Variants in MUS81 observed in about 807,000 individuals in gnomAD.
MUS81 encodes the protein structure-specific endonuclease subunit MUS81.
A neutral mutation model predicts 74.2 loss-of-function variants in MUS81; 69 were observed. The observed-to-expected ratio is 0.93, with a 90% CI of 0.77 to 1.14. The LOEUF is 1.14. Ranked by LOEUF, MUS81 falls within the 50% of genes most tolerant of loss-of-function variation. The pLI, the probability that MUS81 is intolerant of heterozygous loss-of-function variation, is 0.00. For missense variants in MUS81, 711 were observed against 726.5 expected (o/e 0.98, Z 0.25); for synonymous variants, 303 against 300.6 (o/e 1.01, Z -0.08).
chr11:65,860,653 CCCCCG>C lies in MUS81; in HGVS notation c.-92_-88del, dbSNP rs1565263629. On this transcript the variant is annotated 5_prime_UTR_variant, in exon 1 of 16. Transcript: ENST00000308110. ...CGGTCCTGCCCTCGGTCTCCCTCTTCCCCCGCCCCGCCCTGGGCCAGGTGTTCGAA... is the reference window on the plus strand; with the variant it reads ...CGGTCCTGCCCTCGGTCTCCCTCTTCCCCCGCCCTGGGCCAGGTGTTCGAA... 1.1e-5 allele frequency: 16 copies of C among 1,497,582 alleles called. No homozygotes were observed. Among genetic ancestry groups the C allele is most frequent in the Non-Finnish European group, 1.4e-5 (16 of 1,115,074 alleles). The allele number at this position is 1,497,582 out of a possible 1,614,324, so 92.8% of individuals were successfully genotyped here.
In MUS81 at chr11:65,863,908, T is replaced by C. The variant is rs1239716881; in HGVS notation, c.1059+7T>C. 1 of 1,613,724 alleles carries C rather than the reference T, an allele frequency of 6.2e-7. No individual in the cohort carries two copies. The highest frequency in any genetic ancestry group is 2.2e-5 in the East Asian group (1 of 44,882). Reference sequence around the variant, plus strand: ...CCGCTTCCGGGAGCAGAAGGTAATTTTGCTGGCTTTGCCAGGCTTCCCTGC... The same window carrying C: ...CCGCTTCCGGGAGCAGAAGGTAATTCTGCTGGCTTTGCCAGGCTTCCCTGC... On this transcript the variant is annotated splice_region_variant and intron_variant, in intron 10 of 15. Transcript: ENST00000308110.
chr11:65,865,004 C>T lies in MUS81; in HGVS notation c.1273-13C>T. On this transcript the variant is annotated splice_polypyrimidine_tract_variant and intron_variant, in intron 12 of 15. Transcript: ENST00000308110. The stretch of plus-strand genomic sequence containing the variant: ...TCGAGCTCCAGCCTGGCCTCAGTCC[C>T]TTCTTCCCTCAGGGCCACACCCTAC... 6.2e-7 allele frequency: 1 copy of T among 1,612,918 alleles called. No homozygotes were observed.
chr11:65,866,740 T>C (rs966744584), downstream of MUS81: 2 of 804,768 alleles, frequency 2.5e-6, no homozygotes, highest in Non-Finnish European at 4.2e-6. Context: ...CCCATTTAGG[T>C]GAACTTGGCC....
downstream of MUS81, chr11:65,866,733 A>G (rs1565271747): frequency 1.3e-6 from 1 of 775,110 alleles, no homozygotes; most frequent in Middle Eastern, 2.2e-4. Flanking sequence ...AGAGACCCCC[A>G]TTTAGGTGAA....
intron 3 of MUS81, 109 bp from the exon 4 acceptor site, chr11:65,861,838 G>A: frequency 2.4e-6 from 2 of 841,124 alleles, no homozygotes; most frequent in East Asian, 2.7e-5. Context: ...TACAGAGAAG[G>A]AAACTGAGAG....
chr11:65,860,948 A>G, intron 1 of MUS81, 25 bp from the exon 2 acceptor site: 1 of 1,610,494 alleles, frequency 6.2e-7, no homozygotes, highest in South Asian at 1.1e-5. Flanking sequence ...TGCCCTGACC[A>G]GGTACCCTAC....
rs1327484923 is a variant in MUS81 at position 65,864,592 on chromosome 11, G to A, written c.1155G>A (p.Leu385=). The change falls in exon 11 of 16, where the codon CTG becomes CTA. Residue 385 remains leucine (L), a synonymous_variant. Transcript: ENST00000308110. ...TCAGCCTTCCTGAGAGCACACTGCTGCAGGCTGTCACCAACACTCAGGTGA... is the reference window on the plus strand; with the variant it reads ...TCAGCCTTCCTGAGAGCACACTGCTACAGGCTGTCACCAACACTCAGGTGA... ...HNLSLPESTL[L]QAVTNTQVID... is the part of the protein sequence containing the mutation. 6.2e-7 allele frequency: 1 copy of A among 1,614,104 alleles called. No homozygotes were observed. Among genetic ancestry groups the A allele is most frequent in the Non-Finnish European group, 8.5e-7 (1 of 1,179,988 alleles).
chr11:65,862,252 G>A lies in MUS81; in HGVS notation c.492G>A (p.Leu164=), dbSNP rs1317463461. Residue 164 remains leucine (L), a synonymous_variant, in exon 5 of 16, where the codon CTG becomes CTA. Coordinates refer to ENST00000308110, the MANE Select transcript of MUS81 (RefSeq NM_025128.5). ...ACTTCTTAACCAAGGAGGAGCTGCT[G>A]CAGAGGTGTGCTCAGAAGTCCCCCA... ...GHHFLTKEEL[L]QRCAQKSPRV... 6.2e-7 allele frequency: 1 copy of A among 1,613,786 alleles called. No individual in the cohort carries two copies. Among genetic ancestry groups the A allele is most frequent in the East Asian group, 2.2e-5 (1 of 44,890 alleles).
rs755002895 is a variant in MUS81 at position 65,865,801 on chromosome 11, T to G, written c.1506-10T>G. On this transcript the variant is annotated splice_polypyrimidine_tract_variant and intron_variant, in intron 14 of 15. Coordinates refer to ENST00000308110, the MANE Select transcript of MUS81 (RefSeq NM_025128.5). ...TGTCAGCCTCAGAAACTCAAACCCC[T>G]GCCCCCCAGCCTCCTGGCCGCCTAT... The G allele has an allele frequency of 1.9e-6, 3 of 1,613,288 alleles. No individual in the cohort carries two copies. Among genetic ancestry groups the G allele is most frequent in the Non-Finnish European group, 2.5e-6 (3 of 1,179,800 alleles).
rs1243752377 is a variant in MUS81, at chr11:65,865,094, C to T, written c.1350C>T (p.Leu450=). 1 of 1,614,058 alleles carries T rather than the reference C, an allele frequency of 6.2e-7. No individual in the cohort carries two copies. The highest frequency in any genetic ancestry group is 1.3e-5 in the African/African-American group (1 of 74,926). The stretch of plus-strand genomic sequence containing the variant: ...GGGCCATGACCTCTCCAAACCCTCT[C>T]TGCTCACTCCTCACCTTCAGTGACT... ...ESGAMTSPNP[L]CSLLTFSDFN... The change falls in exon 13 of 16, where the codon CTC becomes CTT. Residue 450 remains leucine (L), a synonymous_variant. Transcript: ENST00000308110.
chr11:65,859,827 G>A (rs1033623922), upstream of MUS81, among the ~76,000 whole-genome samples: 2 of 152,152 alleles, frequency 1.3e-5, no homozygotes, highest in African/African-American at 2.4e-5. Context: ...CCTCCCTGAG[G>A]GTCTCCCACT....
chr11:65,859,696 G>A (rs1164348031), upstream of MUS81, among the ~76,000 whole-genome samples: 1 of 152,222 alleles, frequency 6.6e-6, no homozygotes, highest in Non-Finnish European at 1.5e-5. Context: ...TGCGACTTCC[G>A]GCATAGCAGC....
chr11:65,859,761 A>T (rs1373041632), upstream of MUS81, among the ~76,000 whole-genome samples: 1 of 152,172 alleles, frequency 6.6e-6, no homozygotes, highest in African/African-American at 2.4e-5. Context: ...CAACTCAGCT[A>T]TACGTGTCTT....
rs745969988 is a variant in MUS81 at position 65,865,214 on chromosome 11, A to C, written c.1402-6A>C. The C allele has an allele frequency of 2.0e-5, 33 of 1,613,912 alleles. No homozygotes were observed. The highest frequency in any genetic ancestry group is 1.6e-4 in the Middle Eastern group (1 of 6,084). On this transcript the variant is annotated splice_region_variant and splice_polypyrimidine_tract_variant and intron_variant, in intron 13 of 15. Coordinates refer to ENST00000308110, the MANE Select transcript of MUS81 (RefSeq NM_025128.5). ...CCCCACTGATCCAGCCCTTTCCCGA[A>C]CCCAGGCCCAGTCGGTGCGAGAAGT...
intron 6 of MUS81, among the ~76,000 whole-genome samples, 167 bp downstream of exon 6, chr11:65,862,696 C>T (rs1053820616): frequency 6.6e-6 from 1 of 151,896 alleles, no homozygotes; most frequent in Non-Finnish European, 1.5e-5. Context: ...ACCGCAGCAG[C>T]GGGGGTGGGA....
At chr11:65,861,317 G>C (rs1440035219) in intron 2 of MUS81, 33 bp from the exon 3 acceptor site, 7 of 1,565,332 alleles carry the variant, frequency 4.5e-6, no homozygotes, top group Non-Finnish European at 6.1e-6. Flanking sequence ...CCGGATTCGT[G>C]GAGTGTGGAG....
downstream of MUS81, chr11:65,866,903 G>T: frequency 6.2e-7 from 1 of 1,613,622 alleles, no homozygotes; most frequent in Non-Finnish European, 8.5e-7. Flanking sequence ...AGGGAGGGTG[G>T]CTCCCTCCTG....
chr11:65,860,310 GA>G (rs1859536241), upstream of MUS81: 1 of 461,704 alleles, frequency 2.2e-6, no homozygotes, highest in East Asian at 6.8e-5. Flanking sequence ...AATCTTAAGA[GA>G]CCTTAGAGCC....
At chr11:65,864,680 G>A in intron 11 of MUS81, 40 bp from the exon 12 acceptor site, 1 of 1,612,062 alleles carries the variant, frequency 6.2e-7, no homozygotes, top group Non-Finnish European at 8.5e-7. Context: ...CATGGTCTAG[G>A]CCAGGAGCCA....
Sources: allele counts gnomAD v4.1 joint callset (sites outside exome capture counted in the v4.1 genomes callset), GRCh38; gene constraint gnomAD v4.1.1; transcripts MANE v1.5; gene names NCBI Gene and HGNC (gene_info 2026-07-23, HGNC 2026-07-21).